The following EYS variants were observed in gnomAD, a reference collection of about 807,000 sequenced individuals.
The protein encoded by EYS is protein eyes shut homolog.
A neutral mutation model predicts 282.1 loss-of-function variants in EYS; 250 were observed. The observed-to-expected ratio is 0.89, with a 90% CI of 0.80 to 0.98. The LOEUF (loss-of-function observed/expected upper bound fraction) is 0.98, where lower values mean the gene tolerates loss of function less well. Ranked by LOEUF, EYS falls within the 50% of genes least tolerant of loss-of-function variation. The pLI is 0.00. For missense variants in EYS, 4,016 were observed against 3,709.0 expected (o/e 1.08, Z -2.15); for synonymous variants, 1,355 against 1,282.9 (o/e 1.06, Z -1.20).
intron 6 of EYS, among the ~76,000 whole-genome samples, chr6:65,402,953 T>G (rs1376509258): frequency 6.6e-6 from 1 of 152,136 alleles, no homozygotes; most frequent in African/African-American, 2.4e-5. Context: ...CCAGCCACCA[T>G]GCTCTCAGGA....
intron 8 of EYS, among the ~76,000 whole-genome samples, chr6:65,381,289 A>C (rs1285185596): frequency 6.6e-6 from 1 of 152,134 alleles, no homozygotes; most frequent in Non-Finnish European, 1.5e-5. Flanking sequence ...TGCAATCATA[A>C]AAAAGAATGA....
At chr6:64,009,107 T>C (rs1032273770) in intron 33 of EYS, among the ~76,000 whole-genome samples, 2 of 152,196 alleles carry the variant, frequency 1.3e-5, no homozygotes, top group Admixed American at 1.3e-4. Context: ...TGCCAATGAG[T>C]TGTAGATTTG....
chr6:65,524,322 C>T (rs1767479921), intron 2 of EYS, among the ~76,000 whole-genome samples: 1 of 152,144 alleles, frequency 6.6e-6, no homozygotes, highest in African/African-American at 2.4e-5. Context: ...TGTTGTGTCT[C>T]CTGGTGGAAG....
intron 22 of EYS, among the ~76,000 whole-genome samples, chr6:64,662,525 T>C (rs978220340): frequency 6.6e-6 from 1 of 152,148 alleles, no homozygotes; most frequent in African/African-American, 2.4e-5. Flanking sequence ...CAAGCAGATA[T>C]GCATCTCATC....
intron 41 of EYS, among the ~76,000 whole-genome samples, chr6:63,761,782 T>C (rs1023725875): frequency 1.3e-5 from 2 of 152,000 alleles, no homozygotes; most frequent in African/African-American, 2.4e-5. Context: ...TGGGTCCTTA[T>C]GTCCCTTTAT....
chr6:64,865,671 T>C (rs1766403071), intron 19 of EYS, among the ~76,000 whole-genome samples: 1 of 152,268 alleles, frequency 6.6e-6, no homozygotes, highest in South Asian at 2.1e-4. Flanking sequence ...TTATTAAATG[T>C]ATATTTAAAA....
intron 26 of EYS, among the ~76,000 whole-genome samples, chr6:64,586,550 CA>C (rs1766239033): frequency 1.3e-5 from 2 of 151,270 alleles, no homozygotes; most frequent in Admixed American, 6.6e-5. Flanking sequence ...TAATAGATGC[CA>C]AAAAGATTTG....
At chr6:65,178,860 T>C (rs1243595236) in intron 12 of EYS, among the ~76,000 whole-genome samples, 1 of 151,998 alleles carries the variant, frequency 6.6e-6, no homozygotes, top group Non-Finnish European at 1.5e-5. Context: ...TAACAAACTG[T>C]CTCTCAGACC....
intron 22 of EYS, among the ~76,000 whole-genome samples, chr6:64,774,321 T>C (rs1773613736): frequency 6.6e-6 from 1 of 151,864 alleles, no homozygotes; most frequent in Admixed American, 6.6e-5. Flanking sequence ...AGCAGGAAAA[T>C]GTTAACATAA....
At position 64,594,537 on chromosome 6, in the gene EYS, T is replaced by C. The variant is rs111998294; in HGVS notation, c.3685-1228A>G. 4.8e-3 allele frequency among the ~76,000 whole-genome samples: 725 copies of C among 152,134 alleles called. 2 individuals carry two copies. The highest frequency in any genetic ancestry group is 5.1e-3 in the Non-Finnish European group (347 of 68,006). ...TAAAAAAGGATGAGTTCATGTCCTT[T>C]GTAGGGACATGGATGAAGCTGGAAA... On this transcript the variant is annotated intron_variant, in intron 24 of 42. Coordinates refer to ENST00000503581, the MANE Select transcript of EYS (RefSeq NM_001142800.2).
At chr6:65,472,950 G>A (rs1442745823) in intron 5 of EYS, among the ~76,000 whole-genome samples, 1 of 151,732 alleles carries the variant, frequency 6.6e-6, no homozygotes, top group African/African-American at 2.4e-5. Context: ...CATAAGCAAT[G>A]ACACCGGTTT....
At chr6:64,973,086 A>G (rs1054706864) in intron 14 of EYS, among the ~76,000 whole-genome samples, 57 of 152,184 alleles carry the variant, frequency 3.7e-4, no homozygotes, top group African/African-American at 1.4e-3. Flanking sequence ...ATTTTGTACT[A>G]TATGATTTAT....
intron 2 of EYS, among the ~76,000 whole-genome samples, chr6:65,615,921 G>A (rs1404072521): frequency 2.1e-4 from 30 of 146,104 alleles, no homozygotes; most frequent in Admixed American, 1.3e-3. Flanking sequence ...GCGAGAGAGC[G>A]AGACTCCATC....
chr6:64,593,510 T>C (rs558227990), intron 24 of EYS, among the ~76,000 whole-genome samples: 1 of 152,282 alleles, frequency 6.6e-6, no homozygotes, highest in Non-Finnish European at 1.5e-5. Context: ...ATTTGAGATA[T>C]GCACAGTTGC....
chr6:64,430,967 T>C (rs1774558752), intron 28 of EYS, among the ~76,000 whole-genome samples: 1 of 152,160 alleles, frequency 6.6e-6, no homozygotes, highest in African/African-American at 2.4e-5. Flanking sequence ...CAAAGGATTG[T>C]ACAGAATGCC....
intron 26 of EYS, among the ~76,000 whole-genome samples, chr6:64,467,807 C>A (rs1207323371): frequency 6.6e-6 from 1 of 152,096 alleles, no homozygotes; most frequent in Non-Finnish European, 1.5e-5. Context: ...CTGCATGCAC[C>A]TTTTGGGGAC....
chr6:65,628,738 C>T (rs187882960), intron 2 of EYS, among the ~76,000 whole-genome samples: 8 of 152,064 alleles, frequency 5.3e-5, no homozygotes, highest in South Asian at 4.2e-4. Context: ...GAAGAAACTC[C>T]GAACACATCT....
chr6:64,682,367 C>A (rs947926754), intron 22 of EYS, among the ~76,000 whole-genome samples: 1 of 151,848 alleles, frequency 6.6e-6, no homozygotes, highest in African/African-American at 2.4e-5. Flanking sequence ...GACTCCATCT[C>A]AAAACAACAA....
At chr6:64,339,467 T>A (rs779134537) in intron 29 of EYS, among the ~76,000 whole-genome samples, 10 of 151,716 alleles carry the variant, frequency 6.6e-5, no homozygotes, top group Non-Finnish European at 1.5e-4. Flanking sequence ...AATAAAAAAA[T>A]TCAAAAAACA....
Sources: allele counts gnomAD v4.1 joint callset (sites outside exome capture counted in the v4.1 genomes callset), GRCh38; gene constraint gnomAD v4.1.1; transcripts MANE v1.5; gene names NCBI Gene and HGNC (gene_info 2026-07-23, HGNC 2026-07-21).